DCC: variants seen among roughly 807,000 people sequenced by gnomAD.
The protein encoded by DCC is DCC netrin 1 receptor.
In DCC, 58 loss-of-function variants were observed where a neutral mutation model predicts 172.5. That is an observed-to-expected ratio of 0.34 (90% confidence interval 0.27 to 0.42). The LOEUF is 0.42. Among genes scored for constraint, DCC ranks in the 10% least tolerant of loss-of-function variants. The pLI is 1.00. For synonymous variants in DCC, 709 were observed against 644.5 expected, an observed-to-expected ratio of 1.10 and a Z score of -1.52; for missense variants, 1,740 against 1,791.0, an observed-to-expected ratio of 0.97 and a Z score of 0.51.
At chr18:53,282,489 G>C (rs1816360) in intron 12 of DCC, among the ~76,000 whole-genome samples, 131,194 of 152,160 alleles carry the variant, frequency 0.86, 56,858 homozygotes, top group Admixed American at 0.91. Context: ...TAATTCATAC[G>C]CAAAGAACCA....
chr18:53,409,532 G>A lies in DCC; in HGVS notation c.2936-920G>A, dbSNP rs150003285. 6.6e-5 allele frequency among the ~76,000 whole-genome samples: 10 copies of A among 152,238 alleles called. No homozygotes were observed. In the East Asian group the frequency reaches 1.9e-3, roughly 29 times the overall value. ...CACCTATCATGAGCGCCTTTACGGT[G>A]TTATCTGGCAATATAATATAAAAGT... On this transcript the variant is annotated intron_variant, in intron 19 of 28. Coordinates refer to ENST00000442544, the MANE Select transcript of DCC (RefSeq NM_005215.4).
At chr18:52,533,776 G>C (rs141977528) in intron 1 of DCC, among the ~76,000 whole-genome samples, 1 of 152,180 alleles carries the variant, frequency 6.6e-6, no homozygotes, top group Admixed American at 6.5e-5. Context: ...GCAATTACTG[G>C]GTGATTTGCT....
At chr18:53,454,411 A>C (rs2045458009) in intron 23 of DCC, among the ~76,000 whole-genome samples, 1 of 152,214 alleles carries the variant, frequency 6.6e-6, no homozygotes, top group African/African-American at 2.4e-5. Flanking sequence ...TTAATAAGGC[A>C]ATAACATTTT....
At chr18:52,780,109 A>G (rs1376073202) in intron 2 of DCC, among the ~76,000 whole-genome samples, 1 of 152,102 alleles carries the variant, frequency 6.6e-6, no homozygotes, top group Non-Finnish European at 1.5e-5. Context: ...AAGGTTTTTC[A>G]TAGCTTTCTG....
At chr18:52,479,590 C>CAA (rs2029880802) in intron 1 of DCC, among the ~76,000 whole-genome samples, 1 of 134,092 alleles carries the variant, frequency 7.5e-6, no homozygotes. Context: ...ACCCCCCCCC[C>CAA]GTCTCCCTTC....
intron 27 of DCC, among the ~76,000 whole-genome samples, chr18:53,504,621 A>G (rs1385767170): frequency 2.0e-5 from 3 of 152,354 alleles, no homozygotes; most frequent in Middle Eastern, 6.8e-3. Context: ...GTAAAATGTA[A>G]TTAAGGCAAA....
At chr18:53,009,942 T>C (rs757218494) in intron 5 of DCC, among the ~76,000 whole-genome samples, 3 of 151,964 alleles carry the variant, frequency 2.0e-5, no homozygotes, top group Non-Finnish European at 4.4e-5. Flanking sequence ...TCTAGGTAGA[T>C]GCGATGAAGC....
chr18:52,829,340 A>G (rs1016351189), intron 2 of DCC, among the ~76,000 whole-genome samples: 10 of 152,250 alleles, frequency 6.6e-5, no homozygotes, highest in Non-Finnish European at 2.9e-5. Context: ...CCTTAGTCCT[A>G]GTTGCAGTGC....
chr18:53,072,543 G>T (rs576105750), intron 7 of DCC, among the ~76,000 whole-genome samples: 4 of 152,190 alleles, frequency 2.6e-5, no homozygotes, highest in African/African-American at 4.8e-5. Context: ...CCGTGGAACT[G>T]GGAATGCACC....
intron 12 of DCC, among the ~76,000 whole-genome samples, chr18:53,220,610 AGCATTT>A (rs1436723131): frequency 1.3e-5 from 2 of 152,250 alleles, no homozygotes; most frequent in Non-Finnish European, 2.9e-5. Flanking sequence ...AACTAGAACC[AGCATTT>A]GCTTATTAAT....
chr18:52,393,546 G>A (rs1986108225), intron 1 of DCC, among the ~76,000 whole-genome samples: 1 of 151,990 alleles, frequency 6.6e-6, no homozygotes, highest in South Asian at 2.1e-4. Flanking sequence ...CAAGAATGTG[G>A]TCACCTAACC....
intron 25 of DCC, among the ~76,000 whole-genome samples, chr18:53,468,470 C>T (rs2045654397): frequency 6.6e-6 from 1 of 151,688 alleles, no homozygotes; most frequent in Admixed American, 6.6e-5. Flanking sequence ...GCAACTTCCA[C>T]CTCCCAGGTT....
intron 2 of DCC, among the ~76,000 whole-genome samples, chr18:52,826,541 TGG>T (rs2038513676): frequency 6.6e-6 from 1 of 152,082 alleles, no homozygotes. Flanking sequence ...AGTGCAGTAG[TGG>T]GATCTCAGCT....
chr18:53,299,491 G>A (rs918392592), intron 12 of DCC, among the ~76,000 whole-genome samples: 10 of 152,030 alleles, frequency 6.6e-5, no homozygotes, highest in South Asian at 2.1e-4. Flanking sequence ...CAACCCCTCC[G>A]TGAACTCCAA....
chr18:52,695,622 G>T (rs1828076267), intron 1 of DCC, among the ~76,000 whole-genome samples: 1 of 152,188 alleles, frequency 6.6e-6, no homozygotes. Context: ...GGGTACCAAA[G>T]TGGGAGCAGG....
intron 2 of DCC, among the ~76,000 whole-genome samples, chr18:52,844,380 T>C (rs2038853222): frequency 6.6e-6 from 1 of 152,122 alleles, no homozygotes; most frequent in South Asian, 2.1e-4. Flanking sequence ...GGGTAAGCAC[T>C]CTTTAAGAGG....
At chr18:53,517,441 AAT>A (rs1436401334) in intron 27 of DCC, among the ~76,000 whole-genome samples, 42 of 127,586 alleles carry the variant, frequency 3.3e-4, no homozygotes, top group African/African-American at 6.1e-4. Context: ...TAAAACTTAA[AAT>A]ATAATAATAA....
intron 7 of DCC, among the ~76,000 whole-genome samples, chr18:53,142,974 TC>T (rs2043853170): frequency 6.6e-6 from 1 of 150,740 alleles, no homozygotes; most frequent in Non-Finnish European, 1.5e-5. Flanking sequence ...AAAGTTTTTT[TC>T]ATCCTTTAGA....
At chr18:53,302,891 C>T (rs574768740) in intron 12 of DCC, among the ~76,000 whole-genome samples, 53 of 152,194 alleles carry the variant, frequency 3.5e-4, no homozygotes, top group African/African-American at 1.3e-3. Context: ...TTGTGGATCC[C>T]CTCCCCACTC....
Sources: gnomAD v4.1 joint callset for allele counts (sites outside exome capture counted in the v4.1 genomes callset) on GRCh38, gnomAD v4.1.1 for gene constraint, MANE v1.5 for transcripts, NCBI Gene and HGNC (gene_info 2026-07-23, HGNC 2026-07-21) for gene names.